The following NCKAP5 variants were observed in gnomAD, a reference collection of about 807,000 sequenced individuals.
The protein encoded by NCKAP5 is nck-associated protein 5.
NCKAP5 carries 92 observed loss-of-function variants against 167.0 expected under a neutral mutation model. The ratio of observed to expected loss-of-function variants is 0.55; its 90% CI spans 0.47 to 0.66. NCKAP5 has a LOEUF of 0.66. NCKAP5 is among the 30% of genes least tolerant of loss of function. The probability of loss-of-function intolerance (pLI) is 0.00; values close to 1 mark genes in which losing one functional copy is unlikely to be tolerated. For missense variants in NCKAP5, 2,378 were observed against 2,315.0 expected (o/e 1.03, Z -0.56); for synonymous variants, 891 against 877.4 (o/e 1.02, Z -0.27).
intron 6 of NCKAP5, among the ~76,000 whole-genome samples, chr2:133,029,446 C>T (rs559153384): frequency 1.2e-4 from 18 of 152,120 alleles, no homozygotes; most frequent in Admixed American, 5.2e-4. Context: ...TCTCACCCAG[C>T]GTACCACTAC....
At chr2:133,013,406 C>T (rs1450603673) in intron 6 of NCKAP5, among the ~76,000 whole-genome samples, 1 of 152,190 alleles carries the variant, frequency 6.6e-6, no homozygotes, top group Non-Finnish European at 1.5e-5. Flanking sequence ...TTCCACATGG[C>T]TGGGGAGACC....
At chr2:132,687,379 G>A (rs1157125903) in intron 19 of NCKAP5, among the ~76,000 whole-genome samples, 1 of 152,154 alleles carries the variant, frequency 6.6e-6, no homozygotes, top group Admixed American at 6.6e-5. Flanking sequence ...GAGGGAGGGT[G>A]AAAGAGGGGA....
intron 8 of NCKAP5, among the ~76,000 whole-genome samples, chr2:132,950,606 T>C (rs1289333280): frequency 2.8e-4 from 43 of 152,218 alleles, no homozygotes; most frequent in Non-Finnish European, 5.9e-5. Flanking sequence ...TGTTTTCTTA[T>C]TTGTCTTTCT....
Position 133,195,286 on chromosome 2 carries a change from T to C in NCKAP5, c.207+18430A>G, listed in dbSNP as rs140678212. On this transcript the variant is annotated intron_variant, in intron 5 of 19. Coordinates refer to ENST00000409261, the MANE Select transcript of NCKAP5 (RefSeq NM_207363.3). ...ATCGAAATGACAAAAGTTAAAAGTT[T>C]CAGAATATATGATTATTAGGTGACA... Among the ~76,000 whole-genome samples the C allele has an allele frequency of 5.9e-5, 9 of 152,244 alleles. No homozygotes were observed. In the East Asian group the frequency reaches 1.7e-3, roughly 29 times the overall value.
intron 8 of NCKAP5, among the ~76,000 whole-genome samples, chr2:132,933,074 G>A (rs1215662206): frequency 6.6e-6 from 1 of 152,078 alleles, no homozygotes; most frequent in Non-Finnish European, 1.5e-5. Context: ...ACAGGCACCT[G>A]CCACCACGCG....
intron 3 of NCKAP5, among the ~76,000 whole-genome samples, chr2:133,483,800 G>A (rs1680673299): frequency 6.6e-6 from 1 of 152,138 alleles, no homozygotes; most frequent in South Asian, 2.1e-4. Flanking sequence ...TAATAAAAAT[G>A]AAGATTGCAT....
At chr2:133,082,064 G>C (rs1298740927) in intron 6 of NCKAP5, among the ~76,000 whole-genome samples, 1 of 152,082 alleles carries the variant, frequency 6.6e-6, no homozygotes, top group African/African-American at 2.4e-5. Flanking sequence ...AGGCCCTGCT[G>C]TCTGTTGTGC....
intron 5 of NCKAP5, among the ~76,000 whole-genome samples, chr2:133,205,965 C>T (rs1027059061): frequency 3.3e-5 from 5 of 151,974 alleles, no homozygotes; most frequent in Non-Finnish European, 7.4e-5. Context: ...CTAAAGATTC[C>T]TTTAGATTTT....
chr2:132,926,596 A>G (rs1452242683), intron 8 of NCKAP5, among the ~76,000 whole-genome samples: 2 of 152,114 alleles, frequency 1.3e-5, no homozygotes, highest in Non-Finnish European at 2.9e-5. Context: ...ATAATATCTC[A>G]TTGTGGTTTT....
the NCKAP5 span, among the ~76,000 whole-genome samples, chr2:133,616,530 C>A: frequency 6.6e-6 from 1 of 150,424 alleles, no homozygotes; most frequent in Non-Finnish European, 1.5e-5. Context: ...ACACCTCTAC[C>A]CAAATAAACT....
chr2:133,663,128 C>T, the NCKAP5 span, among the ~76,000 whole-genome samples: 3 of 151,926 alleles, frequency 2.0e-5, no homozygotes, highest in East Asian at 1.9e-4. Flanking sequence ...TAGCTGGGCG[C>T]GGTGGCGGGC....
intron 19 of NCKAP5, among the ~76,000 whole-genome samples, chr2:132,687,291 G>A (rs1686073528): frequency 6.6e-6 from 1 of 152,160 alleles, no homozygotes; most frequent in African/African-American, 2.4e-5. Context: ...GTATTGCACA[G>A]AGGAATACAA....
chr2:132,996,262 A>G (rs1186378605), intron 6 of NCKAP5, among the ~76,000 whole-genome samples: 1 of 152,226 alleles, frequency 6.6e-6, no homozygotes, highest in Non-Finnish European at 1.5e-5. Flanking sequence ...TGTTATTCCA[A>G]ACAATCAACA....
At chr2:133,617,855 A>C in the NCKAP5 span, among the ~76,000 whole-genome samples, 1 of 151,386 alleles carries the variant, frequency 6.6e-6, no homozygotes, top group Non-Finnish European at 1.5e-5. Flanking sequence ...AGTCAATCCT[A>C]AGCCAAAAGA....
At chr2:133,578,285 ACCCCATCTATC>A in the NCKAP5 span, among the ~76,000 whole-genome samples, 22 of 152,108 alleles carry the variant, frequency 1.4e-4, no homozygotes, top group South Asian at 4.1e-4. Flanking sequence ...CCTTGCAGTG[ACCCCATCTATC>A]CCCCATCTAT....
intron 8 of NCKAP5, among the ~76,000 whole-genome samples, chr2:132,959,230 A>G (rs1052261672): frequency 6.6e-5 from 10 of 152,048 alleles, no homozygotes; most frequent in African/African-American, 2.4e-4. Context: ...TATGCACAGC[A>G]CTGTAATTGT....
At chr2:133,252,999 T>C (rs768203968) in intron 4 of NCKAP5, among the ~76,000 whole-genome samples, 11 of 152,194 alleles carry the variant, frequency 7.2e-5, no homozygotes, top group Non-Finnish European at 1.5e-4. Flanking sequence ...GTCCCATTCA[T>C]TCACTTCGCC....
intron 7 of NCKAP5, among the ~76,000 whole-genome samples, chr2:132,972,633 G>T (rs914025907): frequency 2.0e-5 from 3 of 151,858 alleles, no homozygotes; most frequent in Non-Finnish European, 2.9e-5. Flanking sequence ...AGGCTGAGGC[G>T]AGTGGATCAT....
At chr2:133,317,521 C>T (rs527583657) in intron 3 of NCKAP5, among the ~76,000 whole-genome samples, 3 of 152,178 alleles carry the variant, frequency 2.0e-5, no homozygotes, top group East Asian at 1.9e-4. Context: ...GGTGTGGAGG[C>T]GTCACCAGGG....
Sources: allele counts gnomAD v4.1 joint callset (sites outside exome capture counted in the v4.1 genomes callset), GRCh38; gene constraint gnomAD v4.1.1; transcripts MANE v1.5; gene names NCBI Gene and HGNC (gene_info 2026-07-23, HGNC 2026-07-21).